The following GARIN2 variants were observed in gnomAD, a reference collection of about 807,000 sequenced individuals.
GARIN2 encodes golgi associated RAB2 interactor family member 2.
the GARIN2 span, among the ~76,000 whole-genome samples, chr14:67,214,526 T>A: frequency 6.6e-6 from 1 of 152,196 alleles, no homozygotes; most frequent in Non-Finnish European, 1.5e-5. Context: ...TTGATCTATA[T>A]CTCTGTTTTG....
chr14:67,224,153 G>C, the GARIN2 span, among the ~76,000 whole-genome samples: 2 of 151,950 alleles, frequency 1.3e-5, no homozygotes, highest in Non-Finnish European at 2.9e-5. Flanking sequence ...ATAAGGTTTT[G>C]GGATAAAGTG....
At chr14:67,226,566 G>A in the GARIN2 span, among the ~76,000 whole-genome samples, 5 of 152,142 alleles carry the variant, frequency 3.3e-5, no homozygotes, top group African/African-American at 9.7e-5. Context: ...TCACCATGTT[G>A]GCCAGGCTGG....
At chr14:67,191,567 C>A in the GARIN2 span, among the ~76,000 whole-genome samples, 614 of 152,304 alleles carry the variant, frequency 4.0e-3, 1 homozygote, top group Non-Finnish European at 5.0e-3. Context: ...TTCCAGATGA[C>A]TGCATTTATC....
chr14:67,206,657 T>C, the GARIN2 span, among the ~76,000 whole-genome samples: 1 of 152,058 alleles, frequency 6.6e-6, no homozygotes, highest in African/African-American at 2.4e-5. Context: ...GTAAAATAAA[T>C]AGAAAGATCA....
chr14:67,200,541 A>C, the GARIN2 span: 1 of 239,422 alleles, frequency 4.2e-6, no homozygotes, highest in East Asian at 1.2e-4. Flanking sequence ...ATAAAACTAA[A>C]CTCCTTGTTT....
the GARIN2 span, among the ~76,000 whole-genome samples, chr14:67,225,964 C>CGTGT: frequency 0.023 from 989 of 42,494 alleles, 14 homozygotes; most frequent in African/African-American, 0.057. Flanking sequence ...TGTGTGTGTG[C>CGTGT]GCGCGCGCGC....
chr14:67,214,548 A>G, the GARIN2 span, among the ~76,000 whole-genome samples: 2 of 152,310 alleles, frequency 1.3e-5, no homozygotes, highest in African/African-American at 2.4e-5. Context: ...TACCAGTACC[A>G]TGCTATTTTG....
chr14:67,199,096 A>T, the GARIN2 span: 4 of 1,088,702 alleles, frequency 3.7e-6, no homozygotes, highest in African/African-American at 3.1e-5. Flanking sequence ...CGGAACCAGG[A>T]TGCCACTGTG....
the GARIN2 span, among the ~76,000 whole-genome samples, chr14:67,191,297 T>A: frequency 6.6e-6 from 1 of 152,122 alleles, no homozygotes; most frequent in Admixed American, 6.6e-5. Context: ...AGAATCCAGG[T>A]AGTTGGTTTC....
chr14:67,213,375 T>C, the GARIN2 span, among the ~76,000 whole-genome samples: 1 of 133,382 alleles, frequency 7.5e-6, no homozygotes. Flanking sequence ...CCATGTGTTC[T>C]CATTGTTCAA....
chr14:67,218,670 T>C, the GARIN2 span, among the ~76,000 whole-genome samples: 1 of 152,062 alleles, frequency 6.6e-6, no homozygotes, highest in Non-Finnish European at 1.5e-5. Context: ...GCCAGAAACA[T>C]ATCTGTAGGG....
the GARIN2 span, chr14:67,208,514 C>CTT: frequency 6.6e-7 from 1 of 1,507,668 alleles, no homozygotes; most frequent in Non-Finnish European, 8.9e-7. Context: ...GAAATATGTG[C>CTT]TTTAGTCTCT....
the GARIN2 span, chr14:67,198,902 C>G: frequency 1.4e-6 from 1 of 692,128 alleles, no homozygotes; most frequent in Non-Finnish European, 2.6e-6. Context: ...CTCTAAAGTT[C>G]CTAGAAATTC....
chr14:67,225,755 G>A, the GARIN2 span, among the ~76,000 whole-genome samples: 1 of 152,122 alleles, frequency 6.6e-6, no homozygotes, highest in African/African-American at 2.4e-5. Flanking sequence ...GGGTGGCCCT[G>A]GCCTACTGTA....
chr14:67,202,224 C>G, the GARIN2 span, among the ~76,000 whole-genome samples: 1 of 152,092 alleles, frequency 6.6e-6, no homozygotes, highest in East Asian at 1.9e-4. Flanking sequence ...GTGGATCACC[C>G]GAGGTCAGGA....
At chr14:67,208,413 A>AT in the GARIN2 span, 1 of 1,613,974 alleles carries the variant, frequency 6.2e-7, no homozygotes, top group East Asian at 2.2e-5. Context: ...AAGATGCCTG[A>AT]TTTTCAGAGC....
At chr14:67,213,585 T>A in the GARIN2 span, among the ~76,000 whole-genome samples, 1 of 152,130 alleles carries the variant, frequency 6.6e-6, no homozygotes, top group African/African-American at 2.4e-5. Context: ...TTGGCTTGGT[T>A]CCAAGTCTTT....
At chr14:67,189,510 G>A in the GARIN2 span, 1 of 152,152 alleles carries the variant, frequency 6.6e-6, no homozygotes, top group African/African-American at 2.4e-5. Context: ...CTATTTGGAG[G>A]TTATTTTCCT....
the GARIN2 span, among the ~76,000 whole-genome samples, chr14:67,213,664 C>G: frequency 5.9e-5 from 9 of 152,142 alleles, no homozygotes; most frequent in East Asian, 1.5e-3. Context: ...ATTTATAGTC[C>G]TTTGGGTATA....
Sources: allele counts gnomAD v4.1 joint callset (sites outside exome capture counted in the v4.1 genomes callset), GRCh38; gene constraint gnomAD v4.1.1; transcripts MANE v1.5; gene names NCBI Gene and HGNC (gene_info 2026-07-23, HGNC 2026-07-21).